Variants in ARHGEF4 observed in about 807,000 individuals in gnomAD.
The protein encoded by ARHGEF4 is APC-stimulated guanine nucleotide exchange factor 1.
A neutral mutation model predicts 162.0 loss-of-function variants in ARHGEF4; 119 were observed. The observed-to-expected ratio is 0.73, with a 90% confidence interval of 0.63 to 0.86. The LOEUF is 0.86. Ranked by LOEUF, ARHGEF4 falls within the 40% of genes least tolerant of loss-of-function variation. The pLI, the probability that ARHGEF4 is intolerant of heterozygous loss-of-function variation, is 0.00. For synonymous variants in ARHGEF4, 1,014 were observed against 979.9 expected, an observed-to-expected ratio of 1.03 and a Z score of -0.65; for missense variants, 2,488 against 2,456.0, an observed-to-expected ratio of 1.01 and a Z score of -0.28.
chr2:130,937,707 A>C (rs1574263799), intron 3 of ARHGEF4, among the ~76,000 whole-genome samples: 1 of 144,208 alleles, frequency 6.9e-6, no homozygotes, highest in African/African-American at 2.6e-5. Context: ...TCGCTCTGTC[A>C]CCCAGACGGG....
At position 131,040,248 on chromosome 2, in the gene ARHGEF4, C is replaced by G; in HGVS notation, c.4483-13C>G. The G allele has an allele frequency of 4.3e-6, 7 of 1,611,512 alleles. No individual in the cohort carries two copies. Among genetic ancestry groups the G allele is most frequent in the Non-Finnish European group, 5.9e-6 (7 of 1,179,036 alleles). On this transcript the variant is annotated splice_polypyrimidine_tract_variant and intron_variant, in intron 7 of 13. Transcript: ENST00000409359. ...GACCCGGTCGGGGGAGGCCTAACCA[C>G]GTCCGCCCGCAGGGCTACGTCCGGC...
chr2:130,857,279 T>TG (rs527962794), intron 1 of ARHGEF4, among the ~76,000 whole-genome samples: 278 of 139,324 alleles, frequency 2.0e-3, no homozygotes, highest in African/African-American at 7.2e-3. Context: ...TCTATAAATA[T>TG]GTACTTGCCT....
At chr2:131,019,773 A>G (rs910018700) in intron 4 of ARHGEF4, among the ~76,000 whole-genome samples, 2 of 152,046 alleles carry the variant, frequency 1.3e-5, no homozygotes, top group Non-Finnish European at 2.9e-5. Context: ...AGCTGGGACT[A>G]CAGGCGCCTG....
intron 3 of ARHGEF4, among the ~76,000 whole-genome samples, chr2:130,938,790 C>T (rs1254268531): frequency 6.6e-6 from 1 of 152,086 alleles, no homozygotes; most frequent in Non-Finnish European, 1.5e-5. Context: ...GTGCTTTTGG[C>T]ATCATGTCTA....
chr2:131,002,375 A>G (rs932829801), intron 4 of ARHGEF4, among the ~76,000 whole-genome samples: 2 of 152,140 alleles, frequency 1.3e-5, no homozygotes, highest in African/African-American at 4.8e-5. Flanking sequence ...CAGGAGATCG[A>G]GACCATCCTG....
At chr2:130,878,032 A>C (rs1007984878) in intron 1 of ARHGEF4, among the ~76,000 whole-genome samples, 7 of 152,014 alleles carry the variant, frequency 4.6e-5, no homozygotes, top group Non-Finnish European at 8.8e-5. Context: ...AGATGATGGC[A>C]CTCCTCCTCT....
Position 131,039,956 on chromosome 2 carries a change from A to AGGGCGCG in ARHGEF4, c.4306-54_4306-48dup, listed in dbSNP as rs879075198. On this transcript the variant is annotated intron_variant, in intron 6 of 13. Transcript: ENST00000409359. ...GGCCCGGTTCCCGCCGCTGCGGCGC[A>AGGGCGCG]GGGCGCGGGGCGTTGCTCCGAGGGA... 437 of 1,528,430 alleles carry AGGGCGCG rather than the reference A, an allele frequency of 2.9e-4. 5 individuals are homozygous for AGGGCGCG. In the South Asian group the frequency reaches 5.1e-3, roughly 18 times the overall value. 94.7% of individuals were successfully genotyped at this position (1,528,430 alleles called of 1,614,324 possible).
At chr2:131,030,152 C>T (rs1378384230) in intron 5 of ARHGEF4, among the ~76,000 whole-genome samples, 14 of 152,276 alleles carry the variant, frequency 9.2e-5, no homozygotes, top group Non-Finnish European at 4.4e-5. Context: ...CTTATGGCTG[C>T]GTTGATCTTG....
intron 4 of ARHGEF4, among the ~76,000 whole-genome samples, chr2:131,023,072 CTCAAAA>C (rs1221429918): frequency 0.1 from 581 of 5,598 alleles, 50 homozygotes; most frequent in East Asian, 0.4. Flanking sequence ...GAAACCCTGT[CTCAAAA>C]AAAAAAAAAA....
chr2:130,938,099 TC>T, intron 3 of ARHGEF4, among the ~76,000 whole-genome samples: 1 of 152,318 alleles, frequency 6.6e-6, no homozygotes, highest in Non-Finnish European at 1.5e-5. Flanking sequence ...ATTCACCTAT[TC>T]GAAGACATCT....
At chr2:130,964,277 A>ACGCGCCCTC (rs1321196360) in intron 4 of ARHGEF4, 1 of 985,370 alleles carries the variant, frequency 1.0e-6, no homozygotes. Flanking sequence ...CCCGCGCCGC[A>ACGCGCCCTC]CGCGCCCTCC....
chr2:131,042,722 G>A (rs1291073011), intron 10 of ARHGEF4, among the ~76,000 whole-genome samples: 1 of 152,222 alleles, frequency 6.6e-6, no homozygotes. Context: ...GTGAGGCCCA[G>A]CCCTGGCTCA....
At chr2:131,002,755 T>C (rs10210210) in intron 4 of ARHGEF4, among the ~76,000 whole-genome samples, 52,945 of 135,626 alleles carry the variant, frequency 0.39, 11,978 homozygotes, top group African/African-American at 0.64. Flanking sequence ...TTGTGGGGGC[T>C]GGGGGTGAAG....
At chr2:131,011,313 C>A (rs925399045) in intron 4 of ARHGEF4, among the ~76,000 whole-genome samples, 2 of 152,170 alleles carry the variant, frequency 1.3e-5, no homozygotes, top group Admixed American at 6.5e-5. Flanking sequence ...GAAGTTTCAC[C>A]AGTGTTCAAG....
rs76277707 is a variant in ARHGEF4 at position 130,990,475 on chromosome 2, C to G, written c.3986-37470C>G. Among the ~76,000 whole-genome samples the G allele has an allele frequency of 4.6e-5, 7 of 152,110 alleles. No individual in the cohort carries two copies. In the East Asian group the frequency reaches 1.4e-3, roughly 29 times the overall value. On this transcript the variant is annotated intron_variant, in intron 4 of 13. Transcript: ENST00000409359. Reference sequence around the variant, plus strand: ...TGCAATCCAGCTAGCATTTTGTGCACTGGGAAAGAACTTCCCAGTTCTGCA... The same window carrying G: ...TGCAATCCAGCTAGCATTTTGTGCAGTGGGAAAGAACTTCCCAGTTCTGCA...
At chr2:130,987,471 T>C (rs1354275864) in intron 4 of ARHGEF4, among the ~76,000 whole-genome samples, 1 of 151,856 alleles carries the variant, frequency 6.6e-6, no homozygotes, top group Non-Finnish European at 1.5e-5. Context: ...CCCAAGGGGG[T>C]TGCAGCTTCT....
At chr2:130,968,276 A>G (rs1685130740) in intron 4 of ARHGEF4, among the ~76,000 whole-genome samples, 1 of 152,162 alleles carries the variant, frequency 6.6e-6, no homozygotes, top group African/African-American at 2.4e-5. Flanking sequence ...AACATCCCCA[A>G]GCCTTAACTG....
intron 1 of ARHGEF4, among the ~76,000 whole-genome samples, chr2:130,881,707 A>G (rs2104961126): frequency 6.6e-6 from 1 of 152,252 alleles, no homozygotes; most frequent in African/African-American, 2.4e-5. Context: ...ACTGTGGCTC[A>G]GAAGTGCTGG....
chr2:130,946,372 C>T, intron 3 of ARHGEF4, 137 bp from the exon 4 acceptor site: 1 of 1,083,384 alleles, frequency 9.2e-7, no homozygotes, highest in South Asian at 1.6e-5. Context: ...AAGGCATCCC[C>T]TGGAGCTGTG....
Sources: gnomAD v4.1 joint callset for allele counts (sites outside exome capture counted in the v4.1 genomes callset) on GRCh38, gnomAD v4.1.1 for gene constraint, MANE v1.5 for transcripts, NCBI Gene and HGNC (gene_info 2026-07-23, HGNC 2026-07-21) for gene names.